VWF: variants seen among roughly 807,000 people sequenced by gnomAD.
VWF encodes von Willebrand factor, also known as Factor VIII related antigen.
VWF carries 176 observed loss-of-function variants against 308.6 expected under a neutral mutation model. The observed-to-expected ratio is 0.57, with a 90% CI of 0.50 to 0.65. The LOEUF is 0.65. Among genes scored for constraint, VWF ranks in the 30% least tolerant of loss-of-function variants. The pLI, the probability that VWF is intolerant of heterozygous loss-of-function variation, is 0.00. For synonymous variants in VWF, 1,385 were observed against 1,443.4 expected, an observed-to-expected ratio of 0.96 and a Z score of 0.92; for missense variants, 3,146 against 3,648.2, an observed-to-expected ratio of 0.86 and a Z score of 3.55.
chr12:6,047,790 C>T (rs184352149), intron 16 of VWF, among the ~76,000 whole-genome samples: 1 of 152,262 alleles, frequency 6.6e-6, no homozygotes, highest in Non-Finnish European at 1.5e-5. Context: ...TTGTCTGTGA[C>T]TTCTGTTGCA....
intron 34 of VWF, among the ~76,000 whole-genome samples, chr12:5,998,203 A>ATC (rs1194681193): frequency 3.9e-5 from 6 of 152,012 alleles, no homozygotes; most frequent in African/African-American, 9.7e-5. Flanking sequence ...TTCAGCTATT[A>ATC]ATATTGTCAA....
At chr12:6,091,404 T>A (rs1306680547) in intron 6 of VWF, among the ~76,000 whole-genome samples, 1 of 152,046 alleles carries the variant, frequency 6.6e-6, no homozygotes, top group Non-Finnish European at 1.5e-5. Flanking sequence ...AGTAAAGGAG[T>A]CTGGATTATT....
intron 50 of VWF, 118 bp downstream of exon 50, chr12:5,951,726 A>T: frequency 1.8e-6 from 2 of 1,139,916 alleles, no homozygotes; most frequent in South Asian, 1.2e-5. Context: ...TCTGAAATAA[A>T]GCTTACTCCA....
intron 18 of VWF, among the ~76,000 whole-genome samples, chr12:6,042,423 T>C (rs1944405418): frequency 6.6e-6 from 1 of 152,210 alleles, no homozygotes; most frequent in Non-Finnish European, 1.5e-5. Context: ...CCATTTTCTT[T>C]GTGTTATGGC....
intron 22 of VWF, among the ~76,000 whole-genome samples, chr12:6,029,011 G>A (rs1944226473): frequency 1.3e-5 from 2 of 151,630 alleles, no homozygotes; most frequent in Non-Finnish European, 1.5e-5. Flanking sequence ...GTATTCAGGA[G>A]ACCCATCTCA....
chr12:6,006,253 A>G (rs1943925481), intron 34 of VWF, among the ~76,000 whole-genome samples: 1 of 152,204 alleles, frequency 6.6e-6, no homozygotes, highest in Non-Finnish European at 1.5e-5. Context: ...TATAGAAGAT[A>G]CACAAAAGGA....
intron 14 of VWF, among the ~76,000 whole-genome samples, chr12:6,057,429 G>A (rs1944592802): frequency 6.8e-6 from 1 of 147,254 alleles, no homozygotes; most frequent in Non-Finnish European, 1.5e-5. Flanking sequence ...ACCGTCCCAC[G>A]TAGCTCCCAA....
chr12:6,115,029 G>T lies in VWF; in HGVS notation c.221-4061C>A, dbSNP rs139308670. On this transcript the variant is annotated intron_variant, in intron 3 of 51. Coordinates refer to ENST00000261405, the MANE Select transcript of VWF (RefSeq NM_000552.5). The stretch of plus-strand genomic sequence containing the variant: ...CACAGCCGGAGCAGGGGAGTGGCAA[G>T]GGAATTTGGGGTTTTGTTTTCTTTT... 2.2e-4 allele frequency among the ~76,000 whole-genome samples: 34 copies of T among 152,338 alleles called. 1 individual carries two copies. In the East Asian group the frequency reaches 5.8e-3, roughly 26 times the overall value.
chr12:5,998,499 ATATATATATATATATAT>A (rs1407499477), intron 34 of VWF, among the ~76,000 whole-genome samples: 1 of 17,130 alleles, frequency 5.8e-5, no homozygotes, highest in Admixed American at 1.2e-3. Flanking sequence ...AAAAAAAAAA[ATATATATATATATATAT>A]ATATATATAT....
chr12:6,051,286 CTTT>C (rs55842185), intron 16 of VWF, among the ~76,000 whole-genome samples: 1 of 117,542 alleles, frequency 8.5e-6, no homozygotes, highest in Non-Finnish European at 1.7e-5. Flanking sequence ...TTCTTTTTTT[CTTT>C]TTTTTTTTTT....
Position 6,088,730 on chromosome 12 carries a change from T to G in VWF, c.657+6730A>C, listed in dbSNP as rs535262310. ...TCTCAAAGGTACACTTTGTGATAGTTACCTGCAGATGAACATCAATTATCT... is the reference window on the plus strand; with the variant it reads ...TCTCAAAGGTACACTTTGTGATAGTGACCTGCAGATGAACATCAATTATCT... On this transcript the variant is annotated intron_variant, in intron 6 of 51. Coordinates refer to ENST00000261405, the MANE Select transcript of VWF (RefSeq NM_000552.5). Among the ~76,000 whole-genome samples, 5 of 152,320 alleles carry G rather than the reference T, an allele frequency of 3.3e-5. No individual in the cohort carries two copies. The South Asian group carries it at 1.0e-3, about 32-fold the overall frequency.
At chr12:6,045,416 A>G (rs1415228659) in intron 17 of VWF, among the ~76,000 whole-genome samples, 3 of 152,190 alleles carry the variant, frequency 2.0e-5, no homozygotes, top group African/African-American at 4.8e-5. Flanking sequence ...AAAATATTAC[A>G]TTTTCCAGTG....
chr12:6,059,004 C>T (rs1272082879), intron 13 of VWF, among the ~76,000 whole-genome samples: 5 of 152,168 alleles, frequency 3.3e-5, no homozygotes, highest in Non-Finnish European at 7.4e-5. Flanking sequence ...GTTCTGAATC[C>T]CTCAGGGGCT....
At chr12:6,073,558 T>G in intron 8 of VWF, 61 bp downstream of exon 8, 1 of 1,611,990 alleles carries the variant, frequency 6.2e-7, no homozygotes, top group African/African-American at 1.3e-5. Flanking sequence ...TCATCTCACT[T>G]CCCAAAGCCA....
intron 17 of VWF, among the ~76,000 whole-genome samples, chr12:6,045,970 C>T (rs1469848013): frequency 6.6e-6 from 1 of 152,144 alleles, no homozygotes. Context: ...TGCCTGTAAT[C>T]CCAGCACTTT....
intron 5 of VWF, among the ~76,000 whole-genome samples, chr12:6,107,959 A>G (rs1945262113): frequency 6.6e-6 from 1 of 151,758 alleles, no homozygotes; most frequent in Admixed American, 6.6e-5. Context: ...CACCCAGCCG[A>G]AAGATTCAGT....
intron 5 of VWF, among the ~76,000 whole-genome samples, chr12:6,097,601 C>G (rs998684133): frequency 6.6e-6 from 1 of 152,174 alleles, no homozygotes; most frequent in African/African-American, 2.4e-5. Flanking sequence ...AGGCCAGGAA[C>G]AGATGCTTCC....
intron 22 of VWF, among the ~76,000 whole-genome samples, chr12:6,028,336 T>C (rs905723484): frequency 1.3e-5 from 2 of 152,202 alleles, no homozygotes; most frequent in African/African-American, 2.4e-5. Context: ...TTGTGCATGA[T>C]TGGTTTGCTG....
Position 5,991,834 on chromosome 12 carries a change from A to G in VWF, c.6783T>C (p.Asp2261=). 6.2e-7 allele frequency: 1 copy of G among 1,614,168 alleles called. No individual in the cohort carries two copies. The highest frequency in any genetic ancestry group is 1.1e-5 in the South Asian group (1 of 91,086). ...AGGCTCCTACCTGGTGCTGGACTCC[A>G]TCCTCACCAATGCACTGAGTGCAGG... is the stretch of plus-strand genomic sequence containing the variant. ...EEACTQCIGE[D]GVQHQFLEAW... is the part of the protein sequence containing the mutation. The change falls in exon 38 of 52, where the codon GAT becomes GAC. Residue 2261 remains aspartate, a synonymous_variant. Transcript: ENST00000261405.
Sources: allele counts gnomAD v4.1 joint callset (sites outside exome capture counted in the v4.1 genomes callset), GRCh38; gene constraint gnomAD v4.1.1; transcripts MANE v1.5; gene names NCBI Gene and HGNC (gene_info 2026-07-23, HGNC 2026-07-21).